Variants in ITPR2 observed in about 807,000 individuals in gnomAD.
The protein encoded by ITPR2 is inositol 1,4,5-trisphosphate-gated calcium channel ITPR2.
In ITPR2, 207 loss-of-function variants were observed where a neutral mutation model predicts 317.1. The observed-to-expected ratio is 0.65, with a 90% CI of 0.58 to 0.73. The LOEUF (loss-of-function observed/expected upper bound fraction) is 0.73, where lower values mean the gene tolerates loss of function less well. Among genes scored for constraint, ITPR2 ranks in the 30% least tolerant of loss-of-function variants. The probability of loss-of-function intolerance (pLI) is 0.00; values close to 1 mark genes in which losing one functional copy is unlikely to be tolerated. For missense variants in ITPR2, 2,613 were observed against 3,284.0 expected, an observed-to-expected ratio of 0.80 and a Z score of 4.99; for synonymous variants, 1,156 against 1,149.1, an observed-to-expected ratio of 1.01 and a Z score of -0.12.
intron 32 of ITPR2, among the ~76,000 whole-genome samples, chr12:26,586,190 G>A (rs1382729342): frequency 2.0e-5 from 3 of 152,080 alleles, no homozygotes; most frequent in African/African-American, 7.2e-5. Context: ...TGTTGCCCAG[G>A]CTGGAGTGCA....
At chr12:26,428,413 A>C (rs1409217310) in intron 48 of ITPR2, among the ~76,000 whole-genome samples, 1 of 152,192 alleles carries the variant, frequency 6.6e-6, no homozygotes. Context: ...TCTCTCGGGA[A>C]CCTTAATCCA....
rs564554328 is a variant in ITPR2 at position 26,699,375 on chromosome 12, A to G, written c.952-3725T>C. Reference sequence around the variant, plus strand: ...GGAAGTGGATTCCAGTCTCTGCTCTATAAGGAAACACCAGCATCTTTAGGA... The same window carrying G: ...GGAAGTGGATTCCAGTCTCTGCTCTGTAAGGAAACACCAGCATCTTTAGGA... On this transcript the variant is annotated intron_variant, in intron 9 of 56. Transcript: ENST00000381340. Among the ~76,000 whole-genome samples, 7 of 152,310 alleles carry G rather than the reference A, an allele frequency of 4.6e-5. No homozygotes were observed. In the South Asian group the frequency reaches 1.2e-3, roughly 27 times the overall value.
intron 37 of ITPR2, among the ~76,000 whole-genome samples, chr12:26,510,509 A>G (rs1021867359): frequency 3.9e-5 from 6 of 152,194 alleles, no homozygotes; most frequent in African/African-American, 1.4e-4. Flanking sequence ...AGGAGTGAGA[A>G]GATCACAATG....
At chr12:26,576,034 T>G (rs1487581926) in intron 34 of ITPR2, among the ~76,000 whole-genome samples, 1 of 152,194 alleles carries the variant, frequency 6.6e-6, no homozygotes, top group Non-Finnish European at 1.5e-5. Flanking sequence ...AGAGACTACC[T>G]TAATATGTGA....
chr12:26,401,067 T>C (rs1320719347), intron 52 of ITPR2, among the ~76,000 whole-genome samples: 2 of 151,628 alleles, frequency 1.3e-5, no homozygotes, highest in East Asian at 3.9e-4. Flanking sequence ...CTATCTCTAC[T>C]AAAAATCAAA....
intron 2 of ITPR2, among the ~76,000 whole-genome samples, chr12:26,745,256 C>T (rs560587286): frequency 4.3e-4 from 65 of 152,330 alleles, no homozygotes; most frequent in African/African-American, 1.2e-3. Context: ...GCAGATGTGA[C>T]CTCACTAAAT....
chr12:26,603,751 G>A (rs905760551), intron 26 of ITPR2, among the ~76,000 whole-genome samples: 1 of 152,154 alleles, frequency 6.6e-6, no homozygotes, highest in African/African-American at 2.4e-5. Context: ...TAAATGAGCA[G>A]GGAAAAGCCT....
chr12:26,417,081 A>T (rs1376126470), intron 50 of ITPR2, among the ~76,000 whole-genome samples: 2 of 152,212 alleles, frequency 1.3e-5, no homozygotes, highest in Admixed American at 6.5e-5. Flanking sequence ...TGGATAAAAG[A>T]CTGACAATTG....
chr12:26,697,086 G>A (rs190955399), intron 9 of ITPR2, among the ~76,000 whole-genome samples: 14 of 152,324 alleles, frequency 9.2e-5, no homozygotes, highest in African/African-American at 3.4e-4. Flanking sequence ...AACTGCCTTA[G>A]TTAAACCCAG....
At chr12:26,345,651 AAT>A (rs1938284489) in intron 55 of ITPR2, among the ~76,000 whole-genome samples, 1 of 152,182 alleles carries the variant, frequency 6.6e-6, no homozygotes, top group Non-Finnish European at 1.5e-5. Context: ...TTACACAGTG[AAT>A]ATGCTTTTCC....
rs187562152 is a variant in ITPR2 at position 26,572,876 on chromosome 12, T to G, written c.4630+5837A>C. Among the ~76,000 whole-genome samples, 16 of 152,280 alleles carry G rather than the reference T, an allele frequency of 1.1e-4. No homozygotes were observed. The East Asian group carries it at 2.9e-3, about 28-fold the overall frequency. Reference sequence around the variant, plus strand: ...AAATAAAATTTGTTGTAATTTTGTCTTTTGACTCCAGTAAGCCAAATGTCC... The same window carrying G: ...AAATAAAATTTGTTGTAATTTTGTCGTTTGACTCCAGTAAGCCAAATGTCC... On this transcript the variant is annotated intron_variant, in intron 34 of 56. Coordinates refer to ENST00000381340, the MANE Select transcript of ITPR2 (RefSeq NM_002223.4).
intron 23 of ITPR2, among the ~76,000 whole-genome samples, chr12:26,627,130 T>C (rs1396471566): frequency 1.3e-5 from 2 of 152,198 alleles, no homozygotes; most frequent in Non-Finnish European, 2.9e-5. Context: ...TTTATAACTA[T>C]ACAAAGTAAA....
At chr12:26,374,896 T>C (rs758183821) in intron 55 of ITPR2, among the ~76,000 whole-genome samples, 3 of 152,210 alleles carry the variant, frequency 2.0e-5, no homozygotes, top group Non-Finnish European at 4.4e-5. Flanking sequence ...TTCCCTTAGA[T>C]AAAATTAGTC....
intron 37 of ITPR2, among the ~76,000 whole-genome samples, chr12:26,511,249 G>A (rs1395321671): frequency 6.6e-6 from 1 of 152,170 alleles, no homozygotes; most frequent in African/African-American, 2.4e-5. Context: ...ACTGCTCCCA[G>A]GGCCTTTTCC....
At chr12:26,772,329 C>T (rs2137153208) in intron 2 of ITPR2, among the ~76,000 whole-genome samples, 1 of 149,628 alleles carries the variant, frequency 6.7e-6, no homozygotes, top group East Asian at 2.0e-4. Flanking sequence ...AATCTTCATC[C>T]TCCCACAACA....
At chr12:26,474,930 T>C (rs554326690) in intron 45 of ITPR2, among the ~76,000 whole-genome samples, 1 of 152,248 alleles carries the variant, frequency 6.6e-6, no homozygotes, top group East Asian at 1.9e-4. Flanking sequence ...GAATTTGTCC[T>C]GATTAGGACT....
chr12:26,557,630 G>A (rs1210194498), intron 35 of ITPR2, among the ~76,000 whole-genome samples: 1 of 152,176 alleles, frequency 6.6e-6, no homozygotes, highest in African/African-American at 2.4e-5. Context: ...GGTTTTAGGG[G>A]CCCAGGCCTA....
chr12:26,666,162 A>ATAGATAGATAGATAGATAGATAGAT (rs34107444), intron 13 of ITPR2, 111 bp from the exon 14 acceptor site: 39,118 of 399,330 alleles, frequency 0.098, 2,089 homozygotes, highest in Admixed American at 0.19. Context: ...AGATAGATAG[A>ATAGATAGATAGATAGATAGATAGAT]TTTTTTTTTA....
intron 15 of ITPR2, among the ~76,000 whole-genome samples, chr12:26,659,643 A>C (rs1398578620): frequency 1.3e-5 from 2 of 152,240 alleles, no homozygotes; most frequent in Non-Finnish European, 2.9e-5. Flanking sequence ...AGTGGGAAAA[A>C]TAAATCTAAT....
Sources: allele counts gnomAD v4.1 joint callset (sites outside exome capture counted in the v4.1 genomes callset), GRCh38; gene constraint gnomAD v4.1.1; transcripts MANE v1.5; gene names NCBI Gene and HGNC (gene_info 2026-07-23, HGNC 2026-07-21).